Variants in NFRKB observed in about 807,000 individuals in gnomAD.
The protein encoded by NFRKB is nuclear factor related to kappa-B-binding protein.
A neutral mutation model predicts 135.7 loss-of-function variants in NFRKB; 62 were observed. That is an observed-to-expected ratio of 0.46 (90% CI 0.37 to 0.56). The LOEUF (loss-of-function observed/expected upper bound fraction) is 0.56. Ranked by LOEUF, NFRKB falls within the 20% of genes least tolerant of loss-of-function variation. The pLI is 0.00. For synonymous variants in NFRKB, 678 were observed against 635.6 expected (o/e 1.07, Z -1.00); for missense variants, 1,545 against 1,662.0 (o/e 0.93, Z 1.22).
At position 129,869,515 on chromosome 11, in the gene NFRKB, C is replaced by T. The variant is rs769251050; in HGVS notation, c.3510G>A (p.Thr1170=). 4.3e-6 allele frequency: 7 copies of T among 1,611,692 alleles called. No homozygotes were observed. Among genetic ancestry groups the T allele is most frequent in the South Asian group, 3.3e-5 (3 of 91,032 alleles). Reference sequence around the variant, plus strand: ...TCACAGCCTGGGACGTGGACACAACCGTGGTGCTGACAGGGACCTGCCGCA... The same window carrying T: ...TCACAGCCTGGGACGTGGACACAACTGTGGTGCTGACAGGGACCTGCCGCA... ...PTVRQVPVST[T]VVSTSQAGKL... is the part of the protein sequence containing the mutation. The change falls in exon 24 of 27, where the codon ACG becomes ACA. Residue 1170 remains threonine, a synonymous_variant. Coordinates refer to ENST00000682444, the MANE Select transcript of NFRKB (RefSeq NM_001143835.2).
rs1215725659 is a variant in NFRKB at position 129,884,760 on chromosome 11, C to G, written c.727G>C (p.Asp243His). The change falls in exon 7 of 27, where the codon GAT becomes CAT. Residue 243 changes from aspartate (D) to histidine (H), a missense_variant. Asp to His is a moderately conservative substitution (Grantham distance 81). This residue lies in a region of NFRKB where 678 missense variants were observed against 646.7 expected (regional missense o/e 1.05). Coordinates refer to ENST00000682444, the MANE Select transcript of NFRKB (RefSeq NM_001143835.2). ...LRVVPTLSTT[D>H]MKTADKVELG... ...TGGTTCTCACCTGCAGTTTTCATATCCGTGGTTGAAAGTGTGGGCACCACC... is the reference window on the plus strand; with the variant it reads ...TGGTTCTCACCTGCAGTTTTCATATGCGTGGTTGAAAGTGTGGGCACCACC... The G allele has an allele frequency of 6.2e-7, 1 of 1,614,018 alleles. No homozygotes were observed. The highest frequency in any genetic ancestry group is 8.5e-7 in the Non-Finnish European group (1 of 1,180,016).
chr11:129,887,904 G>T (rs1354248771), intron 4 of NFRKB, among the ~76,000 whole-genome samples: 1 of 152,186 alleles, frequency 6.6e-6, no homozygotes, highest in East Asian at 1.9e-4. Flanking sequence ...AGGCGTGGTG[G>T]CGGGCGCCTG....
At chr11:129,884,212 A>G in intron 7 of NFRKB, 69 bp from the exon 8 acceptor site, 1 of 1,491,988 alleles carries the variant, frequency 6.7e-7, no homozygotes, top group South Asian at 1.1e-5. Flanking sequence ...GTCACTTTCA[A>G]AAGTAAGATA....
intron 17 of NFRKB, among the ~76,000 whole-genome samples, chr11:129,876,083 G>C (rs1372600109): frequency 6.6e-6 from 1 of 152,104 alleles, no homozygotes; most frequent in Non-Finnish European, 1.5e-5. Context: ...TGAACAAAGG[G>C]AACAAACCAT....
chr11:129,882,641 C>A lies in NFRKB; in HGVS notation c.902-10G>T, dbSNP rs756144119. On this transcript the variant is annotated splice_polypyrimidine_tract_variant and intron_variant, in intron 9 of 26. Coordinates refer to ENST00000682444, the MANE Select transcript of NFRKB (RefSeq NM_001143835.2). ...GCCAAGTCATATAAGGCTAGAAAGGCAAAGTAACACCAGTCACAGAAATGT... is the reference window on the plus strand; with the variant it reads ...GCCAAGTCATATAAGGCTAGAAAGGAAAAGTAACACCAGTCACAGAAATGT... 6.8e-6 allele frequency: 11 copies of A among 1,611,572 alleles called. No individual in the cohort carries two copies. Among genetic ancestry groups the A allele is most frequent in the Non-Finnish European group, 9.3e-6 (11 of 1,179,122 alleles).
Position 129,864,248 on chromosome 11 carries a change from T to C in NFRKB, c.*477A>G, listed in dbSNP as rs1948085825. The C allele has an allele frequency of 6.5e-6, 1 of 153,194 alleles. No individual in the cohort carries two copies. Among genetic ancestry groups the C allele is most frequent in the Admixed American group, 6.5e-5 (1 of 15,388 alleles). 9.5% of individuals were successfully genotyped at this position (153,194 alleles called of 1,614,324 possible). A position where few individuals can be genotyped will look rare whatever the true frequency, so the allele number is the denominator to read the frequency against. ...GGGCAGCTAAAGCCCAAGTTTGTAT[T>C]TGAGAAAGATGTACAACAGGTTCTT... On this transcript the variant is annotated 3_prime_UTR_variant, in exon 27 of 27. Transcript: ENST00000682444.
chr11:129,888,934 G>C (rs1282763252), intron 3 of NFRKB, 139 bp from the exon 4 acceptor site: 3 of 615,526 alleles, frequency 4.9e-6, no homozygotes, highest in African/African-American at 1.9e-5. Context: ...GTGGCCTTAA[G>C]TGCATTCACA....
rs563829487 is a variant in NFRKB, at chr11:129,866,639, T to C, written c.3532-656A>G. The stretch of plus-strand genomic sequence containing the variant: ...TAATAAAGCCTAAGAAGAATTTTTT[T>C]TAGAAACTGAGAAGGCCTAGAGTCT... On this transcript the variant is annotated intron_variant, in intron 24 of 26. Transcript: ENST00000682444. 2.2e-4 allele frequency among the ~76,000 whole-genome samples: 33 copies of C among 152,270 alleles called. No individual in the cohort carries two copies. In the South Asian group the frequency reaches 4.6e-3, roughly 21 times the overall value.
Position 129,864,777 on chromosome 11 carries a change from G to C in NFRKB, c.3848C>G (p.Thr1283Ser), listed in dbSNP as rs1387980543. 3 of 1,614,228 alleles carry C rather than the reference G, an allele frequency of 1.9e-6. No individual in the cohort carries two copies. Among genetic ancestry groups the C allele is most frequent in the Non-Finnish European group, 2.5e-6 (3 of 1,180,050 alleles). Residue 1283 changes from threonine (T) to serine (S), a missense_variant, in exon 27 of 27, where the codon ACT becomes AGT. Thr to Ser is a moderately conservative substitution (Grantham distance 58, BLOSUM62 1). Around this residue, in one of 3 missense-constraint regions of NFRKB, gnomAD observed 753 missense variants for 804.3 expected, o/e 0.94. Coordinates refer to ENST00000682444, the MANE Select transcript of NFRKB (RefSeq NM_001143835.2). ...TASGSSKAVS[T>S]VVVTTAPSPK... ...AGACGGAGCTGTAGTCACAACAACA[G>C]TGGAGACTGCTTTGGAGGAGCCAGA...
chr11:129,871,188 T>C (rs919134583), intron 23 of NFRKB, among the ~76,000 whole-genome samples: 1 of 152,218 alleles, frequency 6.6e-6, no homozygotes, highest in African/African-American at 2.4e-5. Context: ...TGTAAATAGC[T>C]TCTATACTGT....
Position 129,873,184 on chromosome 11 carries a change from A to G in NFRKB, c.2551-88T>C, listed in dbSNP as rs566004763. 17 of 1,185,556 alleles carry G rather than the reference A, an allele frequency of 1.4e-5. No individual in the cohort carries two copies. The South Asian group carries it at 2.6e-4, about 18-fold the overall frequency. 73.4% of individuals were successfully genotyped at this position (1,185,556 alleles called of 1,614,324 possible). A position where few individuals can be genotyped will look rare whatever the true frequency, so the allele number is the denominator to read the frequency against. ...CAAGAGTCTCCCTCAGCACCCCGGA[A>G]GCATTGCTCTCAAAGAGCTTCTAAT... On this transcript the variant is annotated intron_variant, in intron 22 of 26. Coordinates refer to ENST00000682444, the MANE Select transcript of NFRKB (RefSeq NM_001143835.2).
At chr11:129,880,515 G>A (rs889821839) in intron 13 of NFRKB, among the ~76,000 whole-genome samples, 1 of 152,102 alleles carries the variant, frequency 6.6e-6, no homozygotes, top group Admixed American at 6.5e-5. Context: ...AAATGCTGCT[G>A]CCTCCCCTCT....
Position 129,876,707 on chromosome 11 carries a change from C to A in NFRKB, c.1747+14G>T. On this transcript the variant is annotated intron_variant, in intron 17 of 26. Transcript: ENST00000682444. Reference sequence around the variant, plus strand: ...GAAGAAAGGGATCTCTGATAATCGACACGTGCCACCTACCAAGAGACAGAA... The same window carrying A: ...GAAGAAAGGGATCTCTGATAATCGAAACGTGCCACCTACCAAGAGACAGAA... 6.2e-7 allele frequency: 1 copy of A among 1,608,888 alleles called. No individual in the cohort carries two copies. The highest frequency in any genetic ancestry group is 8.5e-7 in the Non-Finnish European group (1 of 1,177,102).
intron 6 of NFRKB, among the ~76,000 whole-genome samples, 155 bp downstream of exon 6, chr11:129,885,280 A>C (rs1313424040): frequency 2.6e-5 from 4 of 152,292 alleles, no homozygotes; most frequent in South Asian, 2.1e-4. Flanking sequence ...CAACCCAAAG[A>C]CCAAGGCCTT....
intron 23 of NFRKB, among the ~76,000 whole-genome samples, chr11:129,871,843 G>A (rs1948524298): frequency 6.6e-6 from 1 of 152,114 alleles, no homozygotes; most frequent in Non-Finnish European, 1.5e-5. Flanking sequence ...ATCTTCCAGT[G>A]GTTCCCCCTC....
Position 129,864,762 on chromosome 11 carries a change from G to A in NFRKB, c.3863C>T (p.Thr1288Ile). 6.2e-7 allele frequency: 1 copy of A among 1,614,238 alleles called. No homozygotes were observed. The highest frequency in any genetic ancestry group is 8.5e-7 in the Non-Finnish European group (1 of 1,180,052). ...SKAVSTVVVT[T>I]APSPKQAPEQ... ...AGGTGCCTGTTTAGGAGACGGAGCT[G>A]TAGTCACAACAACAGTGGAGACTGC... is the stretch of plus-strand genomic sequence containing the variant. The change falls in exon 27 of 27, where the codon ACA becomes ATA. Residue 1288 changes from threonine to isoleucine, a missense_variant. Coordinates refer to ENST00000682444, the MANE Select transcript of NFRKB (RefSeq NM_001143835.2).
At chr11:129,884,406 A>G (rs2135666759) in intron 7 of NFRKB, among the ~76,000 whole-genome samples, 1 of 152,288 alleles carries the variant, frequency 6.6e-6, no homozygotes, top group Admixed American at 6.5e-5. Flanking sequence ...ACTCTTCTCC[A>G]AACTCACAGA....
intron 13 of NFRKB, among the ~76,000 whole-genome samples, chr11:129,880,014 T>C (rs182040613): frequency 6.6e-6 from 1 of 151,992 alleles, no homozygotes; most frequent in Non-Finnish European, 1.5e-5. Context: ...TGGGGAAACC[T>C]TGTCTCTACT....
chr11:129,880,862 T>C (rs747409286), intron 13 of NFRKB, among the ~76,000 whole-genome samples: 1 of 152,172 alleles, frequency 6.6e-6, no homozygotes, highest in African/African-American at 2.4e-5. Context: ...CATACGCTTC[T>C]CCACAGACCA....
Sources: gnomAD v4.1 joint callset for allele counts (sites outside exome capture counted in the v4.1 genomes callset) on GRCh38, gnomAD v4.1.1 for gene constraint, gnomAD v4.1.1 regional missense constraint, MANE v1.5 for transcripts, NCBI Gene and HGNC (gene_info 2026-07-23, HGNC 2026-07-21) for gene names.